ELMOD1: variants seen among roughly 807,000 people sequenced by gnomAD.
ELMOD1 encodes ELMO domain-containing protein 1.
ELMOD1 carries 21 observed loss-of-function variants against 46.7 expected under a neutral mutation model. The observed-to-expected ratio is 0.45, with a 90% CI of 0.32 to 0.65. The LOEUF (loss-of-function observed/expected upper bound fraction) is 0.65. Ranked by LOEUF, ELMOD1 falls within the 30% of genes least tolerant of loss-of-function variation. ELMOD1 has a pLI of 0.04. For synonymous variants in ELMOD1, 122 were observed against 138.2 expected (o/e 0.88, Z 0.82); for missense variants, 348 against 407.8 (o/e 0.85, Z 1.26).
chr11:107,626,584 T>C, intron 2 of ELMOD1, among the ~76,000 whole-genome samples: 1 of 140,906 alleles, frequency 7.1e-6, no homozygotes, highest in Non-Finnish European at 1.5e-5. Flanking sequence ...TTCCCTTCCT[T>C]CCTTCTTTCC....
chr11:107,599,541 A>C (rs966511549), intron 1 of ELMOD1, among the ~76,000 whole-genome samples: 1 of 152,062 alleles, frequency 6.6e-6, no homozygotes, highest in Non-Finnish European at 1.5e-5. Context: ...CAGGAGTTCA[A>C]GACCTGCCTG....
At chr11:107,643,550 T>C (rs1259668554) in intron 6 of ELMOD1, 11 of 510,330 alleles carry the variant, frequency 2.2e-5, no homozygotes, top group African/African-American at 5.8e-5. Flanking sequence ...TCTTGGAGTT[T>C]TATGAGCCAC....
intron 5 of ELMOD1, 72 bp downstream of exon 5, chr11:107,631,749 C>G: frequency 1.3e-6 from 1 of 760,194 alleles, no homozygotes. Context: ...GTTTCTCTGT[C>G]TCCTCTCTTT....
chr11:107,664,995 G>A (rs1391426536), intron 11 of ELMOD1, 30 bp from the exon 12 acceptor site: 1 of 1,570,950 alleles, frequency 6.4e-7, no homozygotes, highest in African/African-American at 1.4e-5. Context: ...TTTTTCTCCT[G>A]CATTCTTATC....
At chr11:107,592,139 T>C in intron 1 of ELMOD1, 1 of 377,388 alleles carries the variant, frequency 2.6e-6, no homozygotes, top group South Asian at 2.1e-5. Context: ...CGGGCTGTTC[T>C]GACTCAGTGT....
At chr11:107,603,087 T>C (rs1380960257) in intron 1 of ELMOD1, among the ~76,000 whole-genome samples, 1 of 152,224 alleles carries the variant, frequency 6.6e-6, no homozygotes, top group Non-Finnish European at 1.5e-5. Context: ...GTATTTAAAA[T>C]ATCAACTCAA....
intron 2 of ELMOD1, among the ~76,000 whole-genome samples, chr11:107,626,955 A>G (rs1162784762): frequency 6.6e-6 from 1 of 152,136 alleles, no homozygotes; most frequent in Non-Finnish European, 1.5e-5. Flanking sequence ...GTCCTTTTAT[A>G]AGGAAGCAAG....
At chr11:107,631,843 A>G (rs1415166031) in intron 5 of ELMOD1, among the ~76,000 whole-genome samples, 166 bp downstream of exon 5, 13 of 152,082 alleles carry the variant, frequency 8.5e-5, no homozygotes, top group Non-Finnish European at 1.9e-4. Context: ...TACCTTTTTC[A>G]TGTTTGTAAA....
intron 11 of ELMOD1, among the ~76,000 whole-genome samples, chr11:107,661,027 G>T (rs368677381): frequency 6.2e-4 from 95 of 152,278 alleles, no homozygotes; most frequent in African/African-American, 2.1e-3. Context: ...ATATAAGTGA[G>T]TGGAGCTTTA....
intron 8 of ELMOD1, among the ~76,000 whole-genome samples, chr11:107,650,647 G>A (rs1204508340): frequency 6.6e-6 from 1 of 152,148 alleles, no homozygotes; most frequent in Admixed American, 6.5e-5. Context: ...AGTCACCAGT[G>A]TCCAGGAAGA....
At chr11:107,598,628 C>T (rs1442810226) in intron 1 of ELMOD1, among the ~76,000 whole-genome samples, 1 of 152,228 alleles carries the variant, frequency 6.6e-6, no homozygotes, top group Non-Finnish European at 1.5e-5. Context: ...CCCCAAACCT[C>T]CTTGCACCTG....
In ELMOD1 at chr11:107,593,975, G is replaced by A. The variant is rs537767579; in HGVS notation, c.-86+2566G>A. On this transcript the variant is annotated intron_variant, in intron 1 of 11. Coordinates refer to ENST00000265840, the MANE Select transcript of ELMOD1 (RefSeq NM_018712.4). ...AATAACTCATGCTTAAAAGTGAACAGTTTCACTTCAACACATATTGGTTGG... is the reference window on the plus strand; with the variant it reads ...AATAACTCATGCTTAAAAGTGAACAATTTCACTTCAACACATATTGGTTGG... Among the ~76,000 whole-genome samples, 415 of 152,296 alleles carry A rather than the reference G, an allele frequency of 2.7e-3. 1 individual carries two copies. Among genetic ancestry groups the A allele is most frequent in the African/African-American group, 9.5e-3 (393 of 41,562 alleles).
At chr11:107,635,603 C>G in intron 5 of ELMOD1, 33 bp from the exon 6 acceptor site, 1 of 1,599,938 alleles carries the variant, frequency 6.3e-7, no homozygotes, top group Non-Finnish European at 8.5e-7. Flanking sequence ...CCTGTTCTTC[C>G]TTGTGTGTCT....
intron 6 of ELMOD1, among the ~76,000 whole-genome samples, chr11:107,638,129 T>G (rs1866261482): frequency 6.6e-6 from 1 of 152,142 alleles, no homozygotes. Context: ...GTTCATGCTA[T>G]TCCCTCTGTT....
chr11:107,606,924 C>CA (rs1865695009), intron 1 of ELMOD1, among the ~76,000 whole-genome samples: 1 of 152,100 alleles, frequency 6.6e-6, no homozygotes, highest in African/African-American at 2.4e-5. Context: ...TGTCTCACCA[C>CA]AAAAAATGTA....
At chr11:107,659,017 G>A (rs1277266438) in intron 11 of ELMOD1, among the ~76,000 whole-genome samples, 1 of 152,206 alleles carries the variant, frequency 6.6e-6, no homozygotes, top group African/African-American at 2.4e-5. Flanking sequence ...CAAAGCAAAT[G>A]CCACTTTTGA....
chr11:107,623,159 T>C (rs973684399), intron 2 of ELMOD1: 2 of 152,016 alleles, frequency 1.3e-5, no homozygotes, highest in African/African-American at 2.4e-5. Flanking sequence ...CGGTGTGTGA[T>C]GTTCCCCTTC....
Position 107,665,173 on chromosome 11 carries a change from C to T in ELMOD1, c.981C>T (p.Ala327=). 6.2e-7 allele frequency: 1 copy of T among 1,613,922 alleles called. No individual in the cohort carries two copies. The part of the protein sequence containing the change: ...PDMALCPHFA[A]SEGLINM ...TGGCGCTGTGCCCACATTTTGCTGC[C>T]TCGGAAGGTTTAATCAACATGTAGT... The change falls in exon 12 of 12, where the codon GCC becomes GCT. Residue 327 remains alanine (A), a synonymous_variant. Transcript: ENST00000265840.
At chr11:107,634,673 G>A (rs767570317) in intron 5 of ELMOD1, among the ~76,000 whole-genome samples, 4 of 152,074 alleles carry the variant, frequency 2.6e-5, no homozygotes, top group Non-Finnish European at 5.9e-5. Flanking sequence ...ATCAGGAGGC[G>A]GAGGTTGCAG....
Sources: allele counts gnomAD v4.1 joint callset (sites outside exome capture counted in the v4.1 genomes callset), GRCh38; gene constraint gnomAD v4.1.1; transcripts MANE v1.5; gene names NCBI Gene and HGNC (gene_info 2026-07-23, HGNC 2026-07-21).